Variants in NRG3 observed in about 807,000 individuals in gnomAD.
NRG3 encodes neuregulin 3.
NRG3 carries 31 observed loss-of-function variants against 66.9 expected under a neutral mutation model. The observed-to-expected ratio is 0.46, with a 90% CI of 0.35 to 0.63. NRG3 has a LOEUF of 0.63. Ranked by LOEUF, NRG3 falls within the 20% of genes least tolerant of loss-of-function variation. NRG3 has a pLI of 0.00. For missense variants in NRG3, 910 were observed against 878.9 expected (o/e 1.04, Z -0.45); for synonymous variants, 393 against 359.4 (o/e 1.09, Z -1.06).
intron 1 of NRG3, among the ~76,000 whole-genome samples, chr10:82,001,892 G>A (rs1389103392): frequency 6.6e-6 from 1 of 152,112 alleles, no homozygotes; most frequent in Non-Finnish European, 1.5e-5. Context: ...TCCTCCTCTG[G>A]TTTTAGAAAC....
intron 2 of NRG3, among the ~76,000 whole-genome samples, chr10:82,576,316 T>C (rs1302361647): frequency 1.3e-5 from 2 of 151,582 alleles, no homozygotes; most frequent in African/African-American, 2.4e-5. Context: ...TACATACTTT[T>C]CCCCCATGTA....
intron 1 of NRG3, among the ~76,000 whole-genome samples, chr10:82,115,250 TCC>T (rs1264074387): frequency 6.6e-6 from 1 of 152,046 alleles, no homozygotes; most frequent in Admixed American, 6.6e-5. Flanking sequence ...ACTGAGAGCT[TCC>T]CCACCTCTCC....
At chr10:82,845,295 A>T (rs7090744) in intron 3 of NRG3, among the ~76,000 whole-genome samples, 410 of 152,278 alleles carry the variant, frequency 2.7e-3, no homozygotes, top group African/African-American at 9.3e-3. Flanking sequence ...TTTTCCTTTC[A>T]TACCTGGGAA....
intron 2 of NRG3, among the ~76,000 whole-genome samples, chr10:82,484,761 A>C (rs1286293706): frequency 6.6e-6 from 1 of 152,222 alleles, no homozygotes; most frequent in Admixed American, 6.5e-5. Context: ...TTCCTAGTAC[A>C]GTCACAATGT....
rs533098736 is a variant in NRG3, at chr10:82,065,360, G to T, written c.823+189197G>T. Reference sequence around the variant, plus strand: ...TCACTGATGTGTATAAATAGAGTGGGGTTTAGAGTTTGATAATAACTTTTA... The same window carrying T: ...TCACTGATGTGTATAAATAGAGTGGTGTTTAGAGTTTGATAATAACTTTTA... On this transcript the variant is annotated intron_variant, in intron 1 of 8. Coordinates refer to ENST00000372141, the MANE Select transcript of NRG3 (RefSeq NM_001010848.4). Among the ~76,000 whole-genome samples, 9 of 152,196 alleles carry T rather than the reference G, an allele frequency of 5.9e-5. No individual in the cohort carries two copies. The South Asian group carries it at 1.9e-3, about 32-fold the overall frequency.
intron 2 of NRG3, among the ~76,000 whole-genome samples, chr10:82,658,138 A>G (rs981898101): frequency 6.6e-6 from 1 of 152,172 alleles, no homozygotes; most frequent in Non-Finnish European, 1.5e-5. Context: ...ACATAAATTC[A>G]AAAGTCCTTA....
intron 1 of NRG3, among the ~76,000 whole-genome samples, chr10:81,926,241 C>T (rs567982677): frequency 5.3e-5 from 8 of 152,216 alleles, no homozygotes; most frequent in Admixed American, 2.0e-4. Flanking sequence ...CCTCAGTCTC[C>T]GGAGTAGCTG....
intron 1 of NRG3, among the ~76,000 whole-genome samples, chr10:82,208,957 G>C (rs1339378407): frequency 6.6e-6 from 1 of 152,066 alleles, no homozygotes. Flanking sequence ...GACTGCACCA[G>C]AATCTCTCTT....
chr10:82,669,172 G>A (rs1016664234), intron 2 of NRG3, among the ~76,000 whole-genome samples: 7 of 151,770 alleles, frequency 4.6e-5, no homozygotes, highest in African/African-American at 1.7e-4. Flanking sequence ...CTATAAATAT[G>A]AAGGAGCAGT....
chr10:81,938,717 A>G (rs879897987), intron 1 of NRG3, among the ~76,000 whole-genome samples: 1 of 151,346 alleles, frequency 6.6e-6, no homozygotes, highest in Non-Finnish European at 1.5e-5. Flanking sequence ...AGATCATTTC[A>G]CTTCTTCCTT....
At chr10:82,642,206 T>C (rs1444426716) in intron 2 of NRG3, among the ~76,000 whole-genome samples, 2 of 152,144 alleles carry the variant, frequency 1.3e-5, no homozygotes, top group Non-Finnish European at 2.9e-5. Flanking sequence ...CATGGTATTC[T>C]ATTATATACA....
chr10:82,347,769 T>C (rs2083129579), intron 1 of NRG3, among the ~76,000 whole-genome samples: 1 of 152,240 alleles, frequency 6.6e-6, no homozygotes, highest in Non-Finnish European at 1.5e-5. Flanking sequence ...GGTGCATATA[T>C]ATTTAGGATA....
intron 6 of NRG3, 32 bp downstream of exon 6, chr10:82,959,107 A>G (rs1248181635): frequency 3.9e-6 from 6 of 1,541,126 alleles, no homozygotes; most frequent in Non-Finnish European, 5.2e-6. Context: ...CTCCTCCTAT[A>G]GCCTACCTCA....
Position 82,047,823 on chromosome 10 carries a change from T to G in NRG3, c.823+171660T>G, listed in dbSNP as rs913996083. Among the ~76,000 whole-genome samples the G allele has an allele frequency of 6.6e-5, 10 of 152,110 alleles. No individual in the cohort carries two copies. In the South Asian group the frequency reaches 1.5e-3, roughly 22 times the overall value. ...AGACTGGCAAATTGGATAGAGTCAA[T>G]ACCCATCAGTGTGCTATATTCAGGA... On this transcript the variant is annotated intron_variant, in intron 1 of 8. Coordinates refer to ENST00000372141, the MANE Select transcript of NRG3 (RefSeq NM_001010848.4).
intron 1 of NRG3, among the ~76,000 whole-genome samples, chr10:82,012,069 G>A (rs903639674): frequency 7.2e-5 from 11 of 152,198 alleles, no homozygotes; most frequent in African/African-American, 1.4e-4. Flanking sequence ...GAGGTTCTCC[G>A]TGAGGGCCTC....
At chr10:82,208,916 T>C (rs2075262296) in intron 1 of NRG3, among the ~76,000 whole-genome samples, 1 of 152,134 alleles carries the variant, frequency 6.6e-6, no homozygotes, top group Admixed American at 6.6e-5. Context: ...GTCAGGAACA[T>C]ATGGTCCATG....
intron 3 of NRG3, among the ~76,000 whole-genome samples, chr10:82,809,500 C>T (rs933897816): frequency 6.6e-6 from 1 of 152,026 alleles, no homozygotes; most frequent in Non-Finnish European, 1.5e-5. Context: ...AATTATCTTC[C>T]TTAGCATTCC....
intron 3 of NRG3, among the ~76,000 whole-genome samples, chr10:82,826,493 AAC>A (rs145219499): frequency 0.011 from 1,726 of 152,318 alleles, 31 homozygotes; most frequent in African/African-American, 0.036. Context: ...GGTGTTAGGA[AAC>A]ACACATAATC....
intron 1 of NRG3, among the ~76,000 whole-genome samples, chr10:82,055,207 G>A (rs2063777708): frequency 6.6e-6 from 1 of 152,030 alleles, no homozygotes; most frequent in Admixed American, 6.6e-5. Flanking sequence ...AGCCGAGCGC[G>A]GTGGCTCACT....
Sources: allele counts gnomAD v4.1 joint callset (sites outside exome capture counted in the v4.1 genomes callset), GRCh38; gene constraint gnomAD v4.1.1; transcripts MANE v1.5; gene names NCBI Gene and HGNC (gene_info 2026-07-23, HGNC 2026-07-21).